MIPOL1: variants seen among roughly 807,000 people sequenced by gnomAD.
The protein encoded by MIPOL1 is mirror-image polydactyly 1.
A neutral mutation model predicts 60.9 loss-of-function variants in MIPOL1; 57 were observed. The ratio of observed to expected loss-of-function variants is 0.94; its 90% confidence interval spans 0.76 to 1.17. MIPOL1 has a LOEUF of 1.17. MIPOL1 is among the 50% of genes most tolerant of loss of function. The pLI is 0.00. For missense variants in MIPOL1, 551 were observed against 511.6 expected (o/e 1.08, Z -0.74); for synonymous variants, 179 against 168.8 (o/e 1.06, Z -0.47).
chr14:37,359,985 A>T (rs186801105), intron 9 of MIPOL1, among the ~76,000 whole-genome samples: 1 of 152,070 alleles, frequency 6.6e-6, no homozygotes, highest in Non-Finnish European at 1.5e-5. Flanking sequence ...TTATTTTGAG[A>T]TACGTTCCAT....
chr14:37,421,848 A>C (rs2153549992), intron 10 of MIPOL1, among the ~76,000 whole-genome samples: 1 of 147,232 alleles, frequency 6.8e-6, no homozygotes, highest in African/African-American at 2.7e-5. Context: ...TTATACAATA[A>C]AATAATTCCA....
chr14:37,458,410 T>C (rs145207682), intron 11 of MIPOL1, among the ~76,000 whole-genome samples: 195 of 152,290 alleles, frequency 1.3e-3, no homozygotes, highest in African/African-American at 4.3e-3. Flanking sequence ...ATAGATAATA[T>C]GTTGGGCCAT....
intron 10 of MIPOL1, among the ~76,000 whole-genome samples, chr14:37,397,970 C>T (rs1373272154): frequency 1.3e-5 from 2 of 152,172 alleles, no homozygotes; most frequent in Non-Finnish European, 2.9e-5. Context: ...TCATGCCCTC[C>T]TGTGAGTTCT....
At chr14:37,486,363 T>A (rs1337271497) in intron 11 of MIPOL1, among the ~76,000 whole-genome samples, 1 of 152,136 alleles carries the variant, frequency 6.6e-6, no homozygotes, top group Non-Finnish European at 1.5e-5. Flanking sequence ...TTTTTTCAAT[T>A]TTTTAAGAAA....
intron 11 of MIPOL1, among the ~76,000 whole-genome samples, chr14:37,460,716 A>T (rs1025652941): frequency 4.6e-5 from 7 of 152,212 alleles, no homozygotes; most frequent in Non-Finnish European, 8.8e-5. Context: ...TACCAATAAC[A>T]TTCAAGCTGA....
chr14:37,319,411 A>G (rs1436721025), intron 9 of MIPOL1, among the ~76,000 whole-genome samples: 2 of 152,318 alleles, frequency 1.3e-5, no homozygotes, highest in East Asian at 3.9e-4. Context: ...ATGCTAAGAA[A>G]TGTAGACTTA....
chr14:37,336,474 A>C (rs540019499), intron 9 of MIPOL1, among the ~76,000 whole-genome samples: 21 of 150,902 alleles, frequency 1.4e-4, no homozygotes, highest in African/African-American at 4.8e-4. Context: ...AGCCCAACAA[A>C]GGCATTCTTT....
chr14:37,451,850 T>G (rs908668298), intron 11 of MIPOL1, among the ~76,000 whole-genome samples: 39 of 133,848 alleles, frequency 2.9e-4, no homozygotes, highest in Non-Finnish European at 5.2e-4. Flanking sequence ...AGTCTCGCTC[T>G]GTGGCCCAGG....
rs373469932 is a variant in MIPOL1, at chr14:37,369,632, T to C, written c.936+8T>C. 208 of 1,605,954 alleles carry C rather than the reference T, an allele frequency of 1.3e-4. No individual in the cohort carries two copies. Among genetic ancestry groups the C allele is most frequent in the Non-Finnish European group, 1.6e-4 (193 of 1,173,370 alleles). On this transcript the variant is annotated splice_region_variant and intron_variant, in intron 10 of 12. Transcript: ENST00000684589. ...CAAGAACGTGCTCTGAAGGTAAATC[T>C]CCGTTCCTTCTTGCAGGCAAATTAA...
chr14:37,428,635 A>T (rs562713825), intron 11 of MIPOL1, among the ~76,000 whole-genome samples: 145 of 150,318 alleles, frequency 9.6e-4, no homozygotes, highest in Admixed American at 2.0e-3. Context: ...CCTTTTTTTT[A>T]AAAAAGTGGG....
At chr14:37,525,032 T>A (rs2095438711) in intron 12 of MIPOL1, among the ~76,000 whole-genome samples, 1 of 152,192 alleles carries the variant, frequency 6.6e-6, no homozygotes, top group Non-Finnish European at 1.5e-5. Flanking sequence ...GGTCCTTAAA[T>A]AATGAAAGGA....
intron 1 of MIPOL1, among the ~76,000 whole-genome samples, chr14:37,221,125 T>A (rs999147145): frequency 6.6e-6 from 1 of 152,160 alleles, no homozygotes; most frequent in East Asian, 1.9e-4. Context: ...AGGTTCTACA[T>A]GTAAATGTAC....
At chr14:37,541,103 T>C (rs2095527864) in intron 12 of MIPOL1, among the ~76,000 whole-genome samples, 1 of 152,224 alleles carries the variant, frequency 6.6e-6, no homozygotes, top group Non-Finnish European at 1.5e-5. Context: ...TAATGACCTT[T>C]ACCTTTTCAC....
intron 10 of MIPOL1, among the ~76,000 whole-genome samples, chr14:37,414,724 A>G (rs534333771): frequency 1.3e-5 from 2 of 152,314 alleles, no homozygotes; most frequent in East Asian, 1.9e-4. Flanking sequence ...CCAAAGTGAT[A>G]CAATACTTTG....
chr14:37,267,001 A>T lies in MIPOL1; in HGVS notation c.83A>T (p.Glu28Val). 1 of 1,613,866 alleles carries T rather than the reference A, an allele frequency of 6.2e-7. No homozygotes were observed. The highest frequency in any genetic ancestry group is 8.5e-7 in the Non-Finnish European group (1 of 1,179,866). The change falls in exon 4 of 13, where the codon GAG becomes GTG. Residue 28 changes from glutamate (E) to valine (V), a missense_variant. Physicochemically the swap from Glu to Val is moderately radical, Grantham distance 121. Coordinates refer to ENST00000684589, the MANE Select transcript of MIPOL1 (RefSeq NM_001388067.1). The part of the protein sequence containing the change: ...TGINKSTQPD[E>V]QLTMNSEKSM... ...ATAAATAAAAGTACGCAGCCAGATG[A>T]GCAACTGACTATGAATTCTGAGAAA...
chr14:37,435,971 C>G (rs1170561642), intron 11 of MIPOL1, among the ~76,000 whole-genome samples: 2 of 152,006 alleles, frequency 1.3e-5, no homozygotes, highest in South Asian at 2.1e-4. Context: ...TAGTGTTGTG[C>G]TTTACAAAAG....
intron 1 of MIPOL1, among the ~76,000 whole-genome samples, chr14:37,220,554 A>G (rs1968571133): frequency 6.6e-6 from 1 of 152,192 alleles, no homozygotes. Flanking sequence ...ATTCAGTGGC[A>G]TGAGCTGGCA....
intron 11 of MIPOL1, among the ~76,000 whole-genome samples, chr14:37,469,616 C>A (rs2094650998): frequency 6.6e-6 from 1 of 151,958 alleles, no homozygotes; most frequent in Non-Finnish European, 1.5e-5. Context: ...GAATGTGTCC[C>A]CCAGAAGTTT....
At chr14:37,238,788 A>C (rs1484460919) in intron 1 of MIPOL1, among the ~76,000 whole-genome samples, 4 of 126,738 alleles carry the variant, frequency 3.2e-5, no homozygotes, top group African/African-American at 1.6e-4. Context: ...CACTTCTACA[A>C]AAAAAAAAAA....
Sources: allele counts gnomAD v4.1 joint callset (sites outside exome capture counted in the v4.1 genomes callset), GRCh38; gene constraint gnomAD v4.1.1; transcripts MANE v1.5; gene names NCBI Gene and HGNC (gene_info 2026-07-23, HGNC 2026-07-21).